Variants in APAF1 observed in about 807,000 individuals in gnomAD.
APAF1 encodes the protein apoptotic protease-activating factor 1.
APAF1 carries 91 observed loss-of-function variants against 152.4 expected under a neutral mutation model. That is an observed-to-expected ratio of 0.60 (90% CI 0.50 to 0.71). APAF1 has a LOEUF of 0.71. Ranked by LOEUF, APAF1 falls within the 30% of genes least tolerant of loss-of-function variation. APAF1 has a pLI of 0.00. For missense variants in APAF1, 1,283 were observed against 1,472.0 expected, an observed-to-expected ratio of 0.87 and a Z score of 2.10; for synonymous variants, 484 against 494.1, an observed-to-expected ratio of 0.98 and a Z score of 0.27.
intron 16 of APAF1, among the ~76,000 whole-genome samples, chr12:98,687,429 G>A (rs2097699187): frequency 1.3e-5 from 2 of 151,526 alleles, no homozygotes; most frequent in Admixed American, 1.3e-4. Flanking sequence ...TAAATTTTAA[G>A]TGTACATTTT....
chr12:98,702,113 T>A (rs7980303), intron 17 of APAF1, among the ~76,000 whole-genome samples: 1 of 151,816 alleles, frequency 6.6e-6, no homozygotes, highest in East Asian at 1.9e-4. Context: ...TCGCCCAGGC[T>A]GGAGTGCAGT....
chr12:98,667,773 T>TA (rs2153318296), intron 10 of APAF1, 129 bp downstream of exon 10: 1 of 845,938 alleles, frequency 1.2e-6, no homozygotes, highest in East Asian at 2.8e-5. Flanking sequence ...TGATTTTTTT[T>TA]TTTTTTTTTT....
chr12:98,678,282 C>T (rs1290842264), intron 13 of APAF1, among the ~76,000 whole-genome samples: 1 of 152,278 alleles, frequency 6.6e-6, no homozygotes, highest in African/African-American at 2.4e-5. Flanking sequence ...TGCTCTGACA[C>T]TTCTTTTTGA....
chr12:98,670,347 CTG>C (rs2097678525), intron 10 of APAF1, among the ~76,000 whole-genome samples: 1 of 152,124 alleles, frequency 6.6e-6, no homozygotes, highest in Non-Finnish European at 1.5e-5. Context: ...TTTTGGCCAT[CTG>C]TGCTTTTTGT....
chr12:98,677,402 G>C (rs2097687748), intron 12 of APAF1, 23 bp from the exon 13 acceptor site: 1 of 1,611,820 alleles, frequency 6.2e-7, no homozygotes, highest in Non-Finnish European at 8.5e-7. Context: ...TTTAATTTCT[G>C]TTCATTTTTT....
At chr12:98,727,546 CAAA>C (rs10718979) in intron 26 of APAF1, among the ~76,000 whole-genome samples, 34 of 116,016 alleles carry the variant, frequency 2.9e-4, no homozygotes, top group Admixed American at 3.4e-4. Context: ...CATCCTGTCT[CAAA>C]AAAAAAAAAA....
At chr12:98,686,962 T>C in intron 16 of APAF1, 89 bp downstream of exon 16, 8 of 1,364,688 alleles carry the variant, frequency 5.9e-6, no homozygotes, top group Non-Finnish European at 8.2e-6. Context: ...TTTTTCACAT[T>C]TCTACAGAAA....
Position 98,686,777 on chromosome 12 carries a change from A to C in APAF1, c.2208A>C (p.Arg736=). Residue 736 remains arginine (R), a synonymous_variant, in exon 16 of 27, where the codon CGA becomes CGC. Coordinates refer to ENST00000551964, the MANE Select transcript of APAF1 (RefSeq NM_181861.2). ...GGGATTTGAATCAAAAAGAATGTCG[A>C]AATACCATGTTTGGTCATACAAATT... ...KLWDLNQKEC[R]NTMFGHTNSV... 1 of 1,613,838 alleles carries C rather than the reference A, an allele frequency of 6.2e-7. No homozygotes were observed.
Position 98,662,848 on chromosome 12 carries a change from A to T in APAF1, c.955+42A>T, listed in dbSNP as rs1177262344. 7.0e-6 allele frequency: 11 copies of T among 1,571,464 alleles called. No homozygotes were observed. In the African/African-American group the frequency reaches 1.5e-4, roughly 21 times the overall value. ...GTTTATGAGGAGATTATAGGGAGTT[A>T]TATAATTTCCCTTTTGTTAATTGAG... On this transcript the variant is annotated intron_variant, in intron 7 of 26. Transcript: ENST00000551964.
chr12:98,692,352 G>T (rs2097705203), intron 16 of APAF1, among the ~76,000 whole-genome samples: 1 of 152,100 alleles, frequency 6.6e-6, no homozygotes, highest in African/African-American at 2.4e-5. Flanking sequence ...CAAAGTGCTG[G>T]GATTACAGGC....
intron 26 of APAF1, among the ~76,000 whole-genome samples, chr12:98,728,123 C>G (rs1409425347): frequency 1.3e-5 from 2 of 152,112 alleles, no homozygotes; most frequent in Non-Finnish European, 2.9e-5. Flanking sequence ...GGGATGCCCT[C>G]AATCCAGAGC....
chr12:98,667,726 T>C (rs2097674935), intron 10 of APAF1, 82 bp downstream of exon 10: 3 of 1,413,958 alleles, frequency 2.1e-6, no homozygotes, highest in Non-Finnish European at 2.9e-6. Context: ...TTTTCTGTTA[T>C]TTTTTGTCTT....
chr12:98,650,079 A>T (rs558023855), intron 4 of APAF1, among the ~76,000 whole-genome samples: 1 of 152,184 alleles, frequency 6.6e-6, no homozygotes, highest in Non-Finnish European at 1.5e-5. Flanking sequence ...GAATAGTTGT[A>T]TAGCTCCATC....
chr12:98,675,415 C>G (rs368267229), intron 12 of APAF1, among the ~76,000 whole-genome samples: 1 of 152,140 alleles, frequency 6.6e-6, no homozygotes, highest in Admixed American at 6.5e-5. Context: ...ATCTGTTCTT[C>G]TAGTTGTCAT....
chr12:98,708,811 A>G (rs554409740), intron 20 of APAF1, 107 bp downstream of exon 20: 3 of 1,112,778 alleles, frequency 2.7e-6, no homozygotes, highest in African/African-American at 3.1e-5. Flanking sequence ...TTTGTATCTA[A>G]CAGGTGTCCA....
Position 98,666,230 on chromosome 12 carries a change from A to G in APAF1, c.1235A>G (p.Glu412Gly). 6.2e-7 allele frequency: 1 copy of G among 1,613,962 alleles called. No individual in the cohort carries two copies. The highest frequency in any genetic ancestry group is 8.5e-7 in the Non-Finnish European group (1 of 1,179,882). Residue 412 changes from glutamate (E) to glycine (G), a missense_variant, in exon 9 of 27, where the codon GAA becomes GGA. Glu to Gly is a moderately conservative substitution (Grantham distance 98). Coordinates refer to ENST00000551964, the MANE Select transcript of APAF1 (RefSeq NM_181861.2). ...TGGGACATGGAAACTGAAGAAGTTG[A>G]AGACATACTGCAGGAGTTTGTAAAT... ...ILWDMETEEVEDILQEFVNKS... is the reference protein window; with the variant it reads ...ILWDMETEEVGDILQEFVNKS...
chr12:98,677,469 C>G lies in APAF1; in HGVS notation c.1838C>G (p.Pro613Arg), dbSNP rs1166261150. The change falls in exon 13 of 27, where the codon CCC (proline) becomes CGC (arginine). Residue 613 changes from proline (P) to arginine (R), a missense_variant. By Grantham distance (103) the Pro-to-Arg change is moderately radical. Coordinates refer to ENST00000551964, the MANE Select transcript of APAF1 (RefSeq NM_181861.2). ...ITNLSRLVVR[P>R]HTDAVYHACF... ...AATCTTTCCCGCTTAGTTGTCCGCCCCCACACAGATGCTGTTTACCATGCC... is the reference window on the plus strand; with the variant it reads ...AATCTTTCCCGCTTAGTTGTCCGCCGCCACACAGATGCTGTTTACCATGCC... 2 of 1,614,076 alleles carry G rather than the reference C, an allele frequency of 1.2e-6. No homozygotes were observed. The highest frequency in any genetic ancestry group is 4.5e-5 in the East Asian group (2 of 44,880).
At chr12:98,728,210 A>G (rs924704196) in intron 26 of APAF1, among the ~76,000 whole-genome samples, 2 of 152,112 alleles carry the variant, frequency 1.3e-5, no homozygotes, top group Non-Finnish European at 2.9e-5. Context: ...TCTGTTTTCC[A>G]TGTCATTCAC....
rs188348291 is a variant in APAF1 at position 98,692,143 on chromosome 12, C to T, written c.2304+5270C>T. Among the ~76,000 whole-genome samples the T allele has an allele frequency of 6.1e-3, 932 of 151,946 alleles. 9 individuals carry two copies. Among genetic ancestry groups the T allele is most frequent in the African/African-American group, 0.021 (869 of 41,300 alleles). On this transcript the variant is annotated intron_variant, in intron 16 of 26. Transcript: ENST00000551964. ...TGTTGCTGAGGCTGGAGTGCAGTGGCGCGATCTCGGCTCACTGCAAGCTCC... is the reference window on the plus strand; with the variant it reads ...TGTTGCTGAGGCTGGAGTGCAGTGGTGCGATCTCGGCTCACTGCAAGCTCC...
Sources: gnomAD v4.1 joint callset for allele counts (sites outside exome capture counted in the v4.1 genomes callset) on GRCh38, gnomAD v4.1.1 for gene constraint, MANE v1.5 for transcripts, NCBI Gene and HGNC (gene_info 2026-07-23, HGNC 2026-07-21) for gene names.